The following WNT7B variants were observed in gnomAD, a reference collection of about 807,000 sequenced individuals.
The protein encoded by WNT7B is protein Wnt-7b.
In WNT7B, 19 loss-of-function variants were observed where a neutral mutation model predicts 38.2. That is an observed-to-expected ratio of 0.50 (90% CI 0.35 to 0.73). WNT7B has a LOEUF of 0.73. Ranked by LOEUF, WNT7B falls within the 30% of genes least tolerant of loss-of-function variation. WNT7B has a pLI of 0.01. For synonymous variants in WNT7B, 243 were observed against 209.3 expected (o/e 1.16, Z -1.39); for missense variants, 423 against 507.9 (o/e 0.83, Z 1.61).
chr22:45,922,597 A>T lies in WNT7B; in HGVS notation c.*259T>A. The T allele has an allele frequency of 3.8e-6, 2 of 532,234 alleles. No individual in the cohort carries two copies. Among genetic ancestry groups the T allele is most frequent in the Non-Finnish European group, 3.3e-6 (1 of 307,152 alleles). The allele number at this position is 532,234 out of a possible 1,614,324, so 33.0% of individuals were successfully genotyped here. ...TGCCGGGCCCCGTCGGGGAGCACCA[A>T]GACCCCTGGCCTTGCTCTCTGGGTG... On this transcript the variant is annotated 3_prime_UTR_variant, in exon 4 of 4. Coordinates refer to ENST00000339464, the MANE Select transcript of WNT7B (RefSeq NM_058238.3).
chr22:45,944,358 C>A (rs1468715853), intron 2 of WNT7B, among the ~76,000 whole-genome samples: 1 of 152,222 alleles, frequency 6.6e-6, no homozygotes, highest in East Asian at 1.9e-4. Context: ...CCTGCCACTG[C>A]CATAGCCCCT....
At position 45,976,837 on chromosome 22, in the gene WNT7B, G is replaced by C; in HGVS notation, c.-83C>G. On this transcript the variant is annotated 5_prime_UTR_variant, in exon 1 of 4. Transcript: ENST00000339464. The surrounding 1 kb of genome is among the most constrained non-coding windows in gnomAD (Gnocchi z 8.5). ...CGGCAGGGCCGGGCAGGGGCCAGGG[G>C]GCTGCGGGCAGACTGCGCTCAGCCC... 2.3e-6 allele frequency: 3 copies of C among 1,280,952 alleles called. No homozygotes were observed. The highest frequency in any genetic ancestry group is 3.2e-5 in the African/African-American group (2 of 63,012). The allele number at this position is 1,280,952 out of a possible 1,614,324, so 79.3% of individuals were successfully genotyped here.
chr22:45,949,952 T>G lies in WNT7B; in HGVS notation c.266A>C (p.Glu89Ala), dbSNP rs776274900. The change falls in exon 2 of 4, where the codon GAG becomes GCG. Residue 89 changes from glutamate to alanine, a missense_variant. Glu to Ala is a moderately radical substitution (Grantham distance 107). Around this residue, in one of 3 missense-constraint regions of WNT7B, gnomAD observed 133 missense variants for 179.8 expected, o/e 0.74. Coordinates refer to ENST00000339464, the MANE Select transcript of WNT7B (RefSeq NM_058238.3). ...FGRWNCSALG[E>A]KTVFGQELRV... ...GAGCTCTTGCCCGAAGACGGTCTTC[T>G]CGCCGAGGGCAGAGCAGTTCCAGCG... The G allele has an allele frequency of 6.2e-7, 1 of 1,611,114 alleles. No individual in the cohort carries two copies. The highest frequency in any genetic ancestry group is 1.1e-5 in the South Asian group (1 of 91,058).
At chr22:45,957,683 A>AAC (rs1932100640) in intron 1 of WNT7B, among the ~76,000 whole-genome samples, 1 of 36,064 alleles carries the variant, frequency 2.8e-5, no homozygotes, top group East Asian at 8.4e-4. Flanking sequence ...ACTCCGTCTC[A>AAC]AAAAAAAAAA....
chr22:45,959,869 A>G (rs1162738007), intron 1 of WNT7B, among the ~76,000 whole-genome samples: 1 of 151,954 alleles, frequency 6.6e-6, no homozygotes, highest in Non-Finnish European at 1.5e-5. Flanking sequence ...ACGAGATCTG[A>G]CTTCTTCCTG....
chr22:45,926,317 C>T, intron 3 of WNT7B: 6 of 985,430 alleles, frequency 6.1e-6, no homozygotes, highest in Non-Finnish European at 7.2e-6. Context: ...TCATCTTGCT[C>T]AGGGGAGCTG....
intron 3 of WNT7B, among the ~76,000 whole-genome samples, chr22:45,929,073 G>C (rs1375661411): frequency 6.6e-6 from 1 of 152,028 alleles, no homozygotes; most frequent in Non-Finnish European, 1.5e-5. Flanking sequence ...TTCTTCCCCG[G>C]GGGTGTGGGA....
intron 2 of WNT7B, among the ~76,000 whole-genome samples, chr22:45,942,855 C>CTGTGTGTGTGTGTGTGCG (rs1931685166): frequency 1.3e-5 from 2 of 150,962 alleles, no homozygotes; most frequent in African/African-American, 4.9e-5. Flanking sequence ...TGAGTGGGTG[C>CTGTGTGTGTGTGTGTGCG]TGTGTGTGTG....
In WNT7B at chr22:45,935,139, C is replaced by CT. The variant is rs1442668105; in HGVS notation, c.299-3771dup. 6.6e-5 allele frequency among the ~76,000 whole-genome samples: 10 copies of CT among 152,300 alleles called. No individual in the cohort carries two copies. The East Asian group carries it at 1.7e-3, about 26-fold the overall frequency. ...CCCTCCTGGGGCCGTGACTGGGCAC[C>CT]TTGCCAGTCCGCCCACACGCCATCC... On this transcript the variant is annotated intron_variant, in intron 2 of 3. Transcript: ENST00000339464.
intron 2 of WNT7B, among the ~76,000 whole-genome samples, chr22:45,931,609 G>A (rs62226030): frequency 7.4e-6 from 1 of 135,492 alleles, no homozygotes; most frequent in South Asian, 2.5e-4. Flanking sequence ...GTGAGTGCCT[G>A]GTACACAGCA....
chr22:45,935,804 T>C (rs1931500687), intron 2 of WNT7B: 1 of 985,054 alleles, frequency 1.0e-6, no homozygotes, highest in African/African-American at 1.7e-5. Context: ...AGGAAGGGAT[T>C]TGCAATAGGC....
At position 45,965,494 on chromosome 22, in the gene WNT7B, C is replaced by T. The variant is rs1275380487; in HGVS notation, c.71+11190G>A. ...GAAGGGGAGGAGGGAGGAAGAGGAC[C>T]TGGGGGAGCATCCAGACCCACCACC... is the stretch of plus-strand genomic sequence containing the variant. On this transcript the variant is annotated intron_variant, in intron 1 of 3. Transcript: ENST00000339464. This position sits in a 1 kb window ranked among gnomAD's most constrained non-coding sequence, Gnocchi z 6.5. Among the ~76,000 whole-genome samples the T allele has an allele frequency of 6.6e-6, 1 of 152,114 alleles. No individual in the cohort carries two copies. The highest frequency in any genetic ancestry group is 6.5e-5 in the Admixed American group (1 of 15,274).
At chr22:45,941,706 C>T (rs939143538) in intron 2 of WNT7B, among the ~76,000 whole-genome samples, 2 of 152,044 alleles carry the variant, frequency 1.3e-5, no homozygotes, top group African/African-American at 4.8e-5. Flanking sequence ...AGCCTGGCCC[C>T]GCGAAGATGT....
rs1190057859 is a variant in WNT7B, at chr22:45,921,375, CAG to C, written c.*1479_*1480del. On this transcript the variant is annotated 3_prime_UTR_variant, in exon 4 of 4. Coordinates refer to ENST00000339464, the MANE Select transcript of WNT7B (RefSeq NM_058238.3). ...GGAGTGCAGGCCCCAATGAGGCTGT[CAG>C]GGGGTGGAGGGAGCAGCCAAGTGCC... The C allele has an allele frequency of 3.3e-5, 5 of 152,408 alleles. No individual in the cohort carries two copies. Among genetic ancestry groups the C allele is most frequent in the Admixed American group, 2.6e-4 (4 of 15,288 alleles). 9.4% of individuals were successfully genotyped at this position (152,408 alleles called of 1,614,324 possible).
At chr22:45,969,745 G>C (rs1049019526) in intron 1 of WNT7B, among the ~76,000 whole-genome samples, 4 of 152,232 alleles carry the variant, frequency 2.6e-5, no homozygotes, top group African/African-American at 9.6e-5. Context: ...AGATGAAAGG[G>C]GGAGGATCAG....
chr22:45,975,735 G>C lies in WNT7B; in HGVS notation c.71+949C>G. 1 of 421,250 alleles carries C rather than the reference G, an allele frequency of 2.4e-6. No individual in the cohort carries two copies. Among genetic ancestry groups the C allele is most frequent in the Non-Finnish European group, 4.3e-6 (1 of 233,708 alleles). The allele number at this position is 421,250 out of a possible 1,614,324, so 26.1% of individuals were successfully genotyped here. ...GCCTCGGGGCAGCCGGCGGCGCACAGTAGGCGCGCAGGGCGCGGCGGGGCC... is the reference window on the plus strand; with the variant it reads ...GCCTCGGGGCAGCCGGCGGCGCACACTAGGCGCGCAGGGCGCGGCGGGGCC... On this transcript the variant is annotated intron_variant, in intron 1 of 3. Coordinates refer to ENST00000339464, the MANE Select transcript of WNT7B (RefSeq NM_058238.3). This position sits in a 1 kb window ranked among gnomAD's most constrained non-coding sequence, Gnocchi z 6.6.
intron 2 of WNT7B, among the ~76,000 whole-genome samples, chr22:45,943,788 G>A (rs372789150): frequency 1.3e-5 from 2 of 152,304 alleles, no homozygotes; most frequent in African/African-American, 2.4e-5. Flanking sequence ...CAGCCCAGGC[G>A]GGGGCTACCG....
At chr22:45,929,614 A>C (rs888800814) in intron 3 of WNT7B, among the ~76,000 whole-genome samples, 6 of 140,262 alleles carry the variant, frequency 4.3e-5, no homozygotes, top group Non-Finnish European at 7.7e-5. Context: ...CCACCTGCCC[A>C]TACACCCATC....
At chr22:45,971,696 G>A (rs1334971587) in intron 1 of WNT7B, among the ~76,000 whole-genome samples, 6 of 152,200 alleles carry the variant, frequency 3.9e-5, no homozygotes, top group Admixed American at 2.6e-4. Context: ...CGGCGTGCAC[G>A]TGCATGCCGG....
Sources: allele counts gnomAD v4.1 joint callset (sites outside exome capture counted in the v4.1 genomes callset), GRCh38; gene constraint gnomAD v4.1.1; regional missense constraint gnomAD v4.1.1; non-coding constraint Gnocchi (gnomAD v3.1); transcripts MANE v1.5; gene names NCBI Gene and HGNC (gene_info 2026-07-23, HGNC 2026-07-21).